Variants in DCAF11 observed in about 807,000 individuals in gnomAD.
DCAF11 encodes the protein DDB1 and CUL4 associated factor 11.
DCAF11 carries 44 observed loss-of-function variants against 76.1 expected under a neutral mutation model. That is an observed-to-expected ratio of 0.58 (90% CI 0.45 to 0.74). The LOEUF is 0.74. Ranked by LOEUF, DCAF11 falls within the 30% of genes least tolerant of loss-of-function variation. DCAF11 has a pLI of 0.00. For missense variants in DCAF11, 604 were observed against 709.4 expected, an observed-to-expected ratio of 0.85 and a Z score of 1.69; for synonymous variants, 258 against 255.0, an observed-to-expected ratio of 1.01 and a Z score of -0.11.
Position 24,115,048 on chromosome 14 carries a change from G to A in DCAF11, c.-459G>A. On this transcript the variant is annotated 5_prime_UTR_variant, in exon 1 of 15. Transcript: ENST00000446197. ...GGGCGTGAGGCGAGGAAGGAGGGGTGTTAGGCCAAATTCTATTTTCATTGG... is the reference window on the plus strand; with the variant it reads ...GGGCGTGAGGCGAGGAAGGAGGGGTATTAGGCCAAATTCTATTTTCATTGG... The A allele has an allele frequency of 2.0e-6, 2 of 984,068 alleles. No homozygotes were observed. The highest frequency in any genetic ancestry group is 2.4e-6 in the Non-Finnish European group (2 of 828,206). The allele number at this position is 984,068 out of a possible 1,614,324, so 61.0% of individuals were successfully genotyped here.
Position 24,120,822 on chromosome 14 carries a change from A to G in DCAF11, c.1093-16A>G, listed in dbSNP as rs777174275. 10 of 1,613,216 alleles carry G rather than the reference A, an allele frequency of 6.2e-6. No individual in the cohort carries two copies. The highest frequency in any genetic ancestry group is 1.1e-5 in the South Asian group (1 of 91,050). The stretch of plus-strand genomic sequence containing the variant: ...TGCAAGCTCTGATGCTTCACTATCC[A>G]CCTTTGGATTCATAGGGTGATGCCC... On this transcript the variant is annotated splice_polypyrimidine_tract_variant and intron_variant, in intron 11 of 14. Transcript: ENST00000446197.
intron 2 of DCAF11, among the ~76,000 whole-genome samples, chr14:24,116,058 G>A (rs905691583): frequency 6.6e-6 from 1 of 151,990 alleles, no homozygotes; most frequent in East Asian, 1.9e-4. Flanking sequence ...AAAAAGGGGG[G>A]GGTCCTAGTG....
Position 24,118,151 on chromosome 14 carries a change from C to T in DCAF11, c.573C>T (p.Cys191=), listed in dbSNP as rs1594335957. 3.7e-6 allele frequency: 6 copies of T among 1,611,314 alleles called. No individual in the cohort carries two copies. The East Asian group carries it at 1.3e-4, about 36-fold the overall frequency. Residue 191 remains cysteine (C), a synonymous_variant, in exon 6 of 15, where the codon TGC becomes TGT. Coordinates refer to ENST00000446197, the MANE Select transcript of DCAF11 (RefSeq NM_025230.5). ...SKDGQIFMSA[C]QDQTIRLYDC... ...ATGGTCAAATATTCATGTCTGCTTGCCAAGGTACCAGACCCTGGTCCTATA... is the reference window on the plus strand; with the variant it reads ...ATGGTCAAATATTCATGTCTGCTTGTCAAGGTACCAGACCCTGGTCCTATA...
chr14:24,116,218 C>G (rs1241976310), intron 2 of DCAF11, among the ~76,000 whole-genome samples: 1 of 152,160 alleles, frequency 6.6e-6, no homozygotes, highest in African/African-American at 2.4e-5. Flanking sequence ...GGAAAGAATG[C>G]CTTGAAGGGA....
chr14:24,118,436 T>G lies in DCAF11; in HGVS notation c.626T>G (p.Phe209Cys), dbSNP rs145411486. 198 of 1,614,198 alleles carry G rather than the reference T, an allele frequency of 1.2e-4. No homozygotes were observed. The highest frequency in any genetic ancestry group is 1.6e-4 in the Non-Finnish European group (187 of 1,180,044). The change falls in exon 7 of 15, where the codon TTC becomes TGC. Residue 209 changes from phenylalanine to cysteine, a missense_variant. Transcript: ENST00000446197. Reference protein sequence around the residue: ...YDCRYGRFRKFKSIKARDVGW... With the variant: ...YDCRYGRFRKCKSIKARDVGW... ...TGCCGATATGGCCGTTTCCGTAAAT[T>G]CAAGAGCATCAAGGCCCGCGACGTA... is the stretch of plus-strand genomic sequence containing the variant.
rs775820789 is a variant in DCAF11, at chr14:24,118,830, C to T, written c.779+26C>T. 3.7e-6 allele frequency: 6 copies of T among 1,613,076 alleles called. No homozygotes were observed. The South Asian group carries it at 5.5e-5, about 15-fold the overall frequency. On this transcript the variant is annotated intron_variant, in intron 8 of 14. Transcript: ENST00000446197. Reference sequence around the variant, plus strand: ...GTACTGGCTTCCCTTTCTGGTCAGACTCATCAGAAACTTCTCAAGGGAAGC... The same window carrying T: ...GTACTGGCTTCCCTTTCTGGTCAGATTCATCAGAAACTTCTCAAGGGAAGC...
In DCAF11 at chr14:24,114,885, G is replaced by C; in HGVS notation, c.-622G>C. Reference sequence around the variant, plus strand: ...CAGTGGCGGCAGTCGGTGTAAACAAGGCCTCGCGCCGCTGCGGGTCCTGCG... The same window carrying C: ...CAGTGGCGGCAGTCGGTGTAAACAACGCCTCGCGCCGCTGCGGGTCCTGCG... On this transcript the variant is annotated 5_prime_UTR_variant, in exon 1 of 15. Transcript: ENST00000446197. The C allele has an allele frequency of 1.0e-6, 1 of 985,948 alleles. No homozygotes were observed. The highest frequency in any genetic ancestry group is 1.2e-6 in the Non-Finnish European group (1 of 829,950). The allele number at this position is 985,948 out of a possible 1,614,324, so 61.1% of individuals were successfully genotyped here.
Position 24,117,249 on chromosome 14 carries a change from C to T in DCAF11, c.284-17C>T, listed in dbSNP as rs377181947. 14 of 1,613,876 alleles carry T rather than the reference C, an allele frequency of 8.7e-6. No individual in the cohort carries two copies. The highest frequency in any genetic ancestry group is 1.3e-5 in the African/African-American group (1 of 74,944). Reference sequence around the variant, plus strand: ...GGCTGGCAGACCTAGGATGAAACTTCTCCTTGGTACTCACAGTGGATGCTA... The same window carrying T: ...GGCTGGCAGACCTAGGATGAAACTTTTCCTTGGTACTCACAGTGGATGCTA... On this transcript the variant is annotated splice_polypyrimidine_tract_variant and intron_variant, in intron 3 of 14. Coordinates refer to ENST00000446197, the MANE Select transcript of DCAF11 (RefSeq NM_025230.5). This position sits in a 1 kb window ranked among gnomAD's most constrained non-coding sequence, Gnocchi z 4.3.
chr14:24,119,453 G>A (rs1381295744), intron 9 of DCAF11, 106 bp from the exon 10 acceptor site: 3 of 1,437,800 alleles, frequency 2.1e-6, no homozygotes, highest in African/African-American at 1.4e-5. Context: ...AAAGAGCAAA[G>A]GGCTTGACCC....
At position 24,118,817 on chromosome 14, in the gene DCAF11, C is replaced by T. The variant is rs1344517033; in HGVS notation, c.779+13C>T. 1.9e-6 allele frequency: 3 copies of T among 1,613,882 alleles called. No homozygotes were observed. The highest frequency in any genetic ancestry group is 2.2e-5 in the East Asian group (1 of 44,880). ...CCCTGGATCTCAGGTACTGGCTTCC[C>T]TTTCTGGTCAGACTCATCAGAAACT... is the stretch of plus-strand genomic sequence containing the variant. On this transcript the variant is annotated intron_variant, in intron 8 of 14. Coordinates refer to ENST00000446197, the MANE Select transcript of DCAF11 (RefSeq NM_025230.5).
intron 11 of DCAF11, among the ~76,000 whole-genome samples, chr14:24,120,597 G>T (rs968731321): frequency 6.6e-6 from 1 of 152,066 alleles, no homozygotes; most frequent in African/African-American, 2.4e-5. Context: ...AAAGAAAAAT[G>T]GAAGACAATC....
In DCAF11 at chr14:24,117,240, A is replaced by G; in HGVS notation, c.284-26A>G. 6.2e-7 allele frequency: 1 copy of G among 1,613,822 alleles called. No homozygotes were observed. Among genetic ancestry groups the G allele is most frequent in the Non-Finnish European group, 8.5e-7 (1 of 1,179,838 alleles). On this transcript the variant is annotated intron_variant, in intron 3 of 14. Coordinates refer to ENST00000446197, the MANE Select transcript of DCAF11 (RefSeq NM_025230.5). This position sits in a 1 kb window ranked among gnomAD's most constrained non-coding sequence, Gnocchi z 4.3. The stretch of plus-strand genomic sequence containing the variant: ...GTCCTCTGAGGCTGGCAGACCTAGG[A>G]TGAAACTTCTCCTTGGTACTCACAG...
In DCAF11 at chr14:24,115,697, G is replaced by A; in HGVS notation, c.103G>A (p.Glu35Lys). 1.2e-6 allele frequency: 2 copies of A among 1,614,016 alleles called. No individual in the cohort carries two copies. Among genetic ancestry groups the A allele is most frequent in the African/African-American group, 1.3e-5 (1 of 75,080 alleles). The change falls in exon 2 of 15, where the codon GAA (glutamate) becomes AAA (lysine). Residue 35 changes from glutamate (E) to lysine (K), a missense_variant. Coordinates refer to ENST00000446197, the MANE Select transcript of DCAF11 (RefSeq NM_025230.5). The stretch of plus-strand genomic sequence containing the variant: ...CCTGCGTCGGAGTGAGGAAGAGGAA[G>A]AAGAGGATGAAGATGTGGATCTGGC... ...AGLRRSEEEE[E>K]EDEDVDLAQV...
chr14:24,121,801 A>G, intron 13 of DCAF11: 2 of 353,332 alleles, frequency 5.7e-6, no homozygotes, highest in South Asian at 4.6e-5. Context: ...GATGAAAGGT[A>G]GGAGGGAACA....
At chr14:24,119,074 G>A (rs1391884470) in intron 8 of DCAF11, 71 bp from the exon 9 acceptor site, 11 of 1,594,228 alleles carry the variant, frequency 6.9e-6, no homozygotes, top group Admixed American at 5.0e-5. Context: ...CCTTACAACC[G>A]TTGTCAGATT....
At position 24,117,036 on chromosome 14, in the gene DCAF11, A is replaced by T; in HGVS notation, c.275A>T (p.Asn92Ile). ...GATGGTCGTCTTGGGGATCGATACA[A>T]CCCACCTGGTAAGAGGAAAAGCCCC... ...AWDGRLGDRY[N>I]PPVDATPDTR... Residue 92 changes from asparagine to isoleucine, a missense_variant, in exon 3 of 15, where the codon AAC becomes ATC. Coordinates refer to ENST00000446197, the MANE Select transcript of DCAF11 (RefSeq NM_025230.5). The surrounding 1 kb of genome is among the most constrained non-coding windows in gnomAD (Gnocchi z 4.3). 3 of 1,614,204 alleles carry T rather than the reference A, an allele frequency of 1.9e-6. No individual in the cohort carries two copies. The highest frequency in any genetic ancestry group is 2.5e-6 in the Non-Finnish European group (3 of 1,180,034).
In DCAF11 at chr14:24,115,654, G is replaced by T. The variant is rs200354405; in HGVS notation, c.60G>T (p.Leu20Phe). Residue 20 changes from leucine (L) to phenylalanine (F), a missense_variant, in exon 2 of 15, where the codon TTG (leucine) becomes TTT (phenylalanine). Transcript: ENST00000446197. ...GSGSGDPSEGLPRRGAGLRRS... is the reference protein window; with the variant it reads ...GSGSGDPSEGFPRRGAGLRRS... ...GGTCCGGAGACCCCTCCGAGGGCTT[G>T]CCCCGAAGAGGGGCTGGCCTGCGTC... 3 of 1,613,946 alleles carry T rather than the reference G, an allele frequency of 1.9e-6. No individual in the cohort carries two copies. The highest frequency in any genetic ancestry group is 1.3e-5 in the African/African-American group (1 of 74,946).
chr14:24,115,513 A>G lies in DCAF11; in HGVS notation c.-82A>G. The G allele has an allele frequency of 5.3e-6, 8 of 1,517,648 alleles. No individual in the cohort carries two copies. Among genetic ancestry groups the G allele is most frequent in the Non-Finnish European group, 7.1e-6 (8 of 1,134,092 alleles). 94.0% of individuals were successfully genotyped at this position (1,517,648 alleles called of 1,614,324 possible). On this transcript the variant is annotated 5_prime_UTR_variant, in exon 2 of 15. Transcript: ENST00000446197. ...CGTCTCAGGAGACCCTGGTATTTCT[A>G]GAGCACGCTTTGCTTTCACCAAACC... is the stretch of plus-strand genomic sequence containing the variant.
Position 24,120,952 on chromosome 14 carries a change from C to A in DCAF11, c.1207C>A (p.Gln403Lys). The change falls in exon 12 of 15, where the codon CAA becomes AAA. Residue 403 changes from glutamine (Q) to lysine (K), a missense_variant. By Grantham distance (53) the Gln-to-Lys change is moderately conservative. Coordinates refer to ENST00000446197, the MANE Select transcript of DCAF11 (RefSeq NM_025230.5). ...MEASRQAATQ[Q>K]NWDYRWQQVP... ...AGCTTCACGCCAGGCTGCCACACAG[C>A]AAAACTGGGACTATCGGTGGCAGCA... is the stretch of plus-strand genomic sequence containing the variant. 1.2e-6 allele frequency: 2 copies of A among 1,614,144 alleles called. No homozygotes were observed. Among genetic ancestry groups the A allele is most frequent in the Non-Finnish European group, 1.7e-6 (2 of 1,180,018 alleles).
Sources: allele counts gnomAD v4.1 joint callset (sites outside exome capture counted in the v4.1 genomes callset), GRCh38; gene constraint gnomAD v4.1.1; non-coding constraint Gnocchi (gnomAD v3.1); transcripts MANE v1.5; gene names NCBI Gene and HGNC (gene_info 2026-07-23, HGNC 2026-07-21).